MYO1F: variants seen among roughly 807,000 people sequenced by gnomAD.
MYO1F encodes myosin IF.
A neutral mutation model predicts 146.6 loss-of-function variants in MYO1F; 60 were observed. That is an observed-to-expected ratio of 0.41 (90% CI 0.33 to 0.51). The LOEUF (loss-of-function observed/expected upper bound fraction) is 0.51, where lower values mean the gene tolerates loss of function less well. Ranked by LOEUF, MYO1F falls within the 20% of genes least tolerant of loss-of-function variation. The probability of loss-of-function intolerance (pLI) is 0.25; values close to 1 mark genes in which losing one functional copy is unlikely to be tolerated. For synonymous variants in MYO1F, 602 were observed against 602.1 expected (o/e 1.00, Z 0.00); for missense variants, 1,274 against 1,534.3 (o/e 0.83, Z 2.83).
rs1193536898 is a variant in MYO1F, at chr19:8,543,702, GTGGTGC to G, written c.1524+589_1524+594del. ...GGTGGTGGTGGTGGTGGTGGTGGTG[GTGGTGC>G]TGGTGGTGGTGGTGGTGCTGGTGGT... On this transcript the variant is annotated intron_variant, in intron 14 of 27. Transcript: ENST00000644032. Among the ~76,000 whole-genome samples, 10 of 17,920 alleles carry G rather than the reference GTGGTGC, an allele frequency of 5.6e-4. No homozygotes were observed. In the East Asian group the frequency reaches 6.0e-3, roughly 11 times the overall value. 11.8% of individuals were successfully genotyped at this position (17,920 alleles called of 152,430 possible).
At chr19:8,574,589 CTCTCTCTCTTTCTT>C (rs1217284869) in intron 1 of MYO1F, among the ~76,000 whole-genome samples, 38 of 84,564 alleles carry the variant, frequency 4.5e-4, no homozygotes, top group African/African-American at 1.8e-3. Flanking sequence ...CTCTCTCTCT[CTCTCTCTCTTTCTT>C]TCTTTCTTTC....
intron 1 of MYO1F, among the ~76,000 whole-genome samples, chr19:8,561,611 TTCTC>T (rs1036807754): frequency 6.7e-5 from 10 of 148,422 alleles, no homozygotes; most frequent in Non-Finnish European, 1.2e-4. Flanking sequence ...TCTTTTTTCT[TTCTC>T]TCTTTCTTTC....
chr19:8,576,876 G>A (rs1338967689), intron 1 of MYO1F: 7 of 255,566 alleles, frequency 2.7e-5, no homozygotes, highest in South Asian at 4.8e-5. Context: ...GCATCTAGAC[G>A]GATTTCCAAA....
chr19:8,543,717 GTGGTGGTGC>G (rs1568348595), intron 14 of MYO1F, among the ~76,000 whole-genome samples: 1 of 20,938 alleles, frequency 4.8e-5, no homozygotes, highest in Non-Finnish European at 1.0e-4. Flanking sequence ...GCTGGTGGTG[GTGGTGGTGC>G]TGGTGGTGCT....
rs538983044 is a variant in MYO1F, at chr19:8,559,623, C to T, written c.4-3827G>A. On this transcript the variant is annotated intron_variant, in intron 1 of 27. Transcript: ENST00000644032. ...GTGCCCCTCCCCAAGCCTGAGTGGT[C>T]GTGAGGATAGACCGAGGCTGAGGGG... Among the ~76,000 whole-genome samples, 214 of 151,992 alleles carry T rather than the reference C, an allele frequency of 1.4e-3. 1 individual carries two copies. The highest frequency in any genetic ancestry group is 6.8e-3 in the Middle Eastern group (2 of 292).
rs1876467946 is a variant in MYO1F, at chr19:8,553,202, G to A, written c.441C>T (p.Ser147=). ...VQHVKDIILQ[S]NPLLEAFGNA... is the part of the protein sequence containing the mutation. ...TGCCGAAGGCCTCGAGCAGCGGGTT[G>A]GACTGCAGGATGATATCTTTGACGT... Residue 147 remains serine (S), a synonymous_variant, in exon 6 of 28, where the codon TCC becomes TCT. Transcript: ENST00000644032. The A allele has an allele frequency of 6.2e-7, 1 of 1,614,184 alleles. No individual in the cohort carries two copies. The highest frequency in any genetic ancestry group is 8.5e-7 in the Non-Finnish European group (1 of 1,180,040).
chr19:8,567,434 T>A (rs887068466), intron 1 of MYO1F, among the ~76,000 whole-genome samples: 4 of 151,944 alleles, frequency 2.6e-5, no homozygotes, highest in African/African-American at 9.7e-5. Context: ...AGTGGCACGA[T>A]CTCAGCTCAC....
At chr19:8,539,809 A>T in intron 16 of MYO1F, 138 bp downstream of exon 16, 1 of 725,356 alleles carries the variant, frequency 1.4e-6, no homozygotes, top group Non-Finnish European at 2.3e-6. Flanking sequence ...TGAACAGATG[A>T]CGTCACAGTC....
At chr19:8,527,262 A>G in intron 22 of MYO1F, 76 bp downstream of exon 22, 1 of 1,594,092 alleles carries the variant, frequency 6.3e-7, no homozygotes, top group Non-Finnish European at 8.6e-7. Flanking sequence ...TCAGGGTAAC[A>G]GACGGGGTCA....
chr19:8,562,139 G>A (rs557149806), intron 1 of MYO1F, among the ~76,000 whole-genome samples: 11 of 150,626 alleles, frequency 7.3e-5, no homozygotes, highest in East Asian at 1.9e-4. Flanking sequence ...GGTTCACGCC[G>A]TTCTCCTGCC....
At chr19:8,541,672 G>A (rs114995767) in intron 15 of MYO1F, 8,408 of 542,366 alleles carry the variant, frequency 0.016, 131 homozygotes, top group African/African-American at 0.062. Context: ...CAAGAGATTT[G>A]TCCACTTCGG....
chr19:8,523,533 T>C (rs1972147551), intron 25 of MYO1F, among the ~76,000 whole-genome samples: 2 of 151,994 alleles, frequency 1.3e-5, no homozygotes, highest in Non-Finnish European at 2.9e-5. Flanking sequence ...ATTTTTAAAG[T>C]AGAGATGGGG....
intron 7 of MYO1F, 60 bp from the exon 8 acceptor site, chr19:8,551,934 T>C: frequency 6.2e-7 from 1 of 1,614,002 alleles, no homozygotes; most frequent in African/African-American, 1.3e-5. Context: ...CTGTGATCCC[T>C]CATCTGCCCT....
At chr19:8,545,528 C>T (rs1973307059) in intron 13 of MYO1F, 122 bp downstream of exon 13, 2 of 831,630 alleles carry the variant, frequency 2.4e-6, no homozygotes, top group South Asian at 2.7e-5. Flanking sequence ...CGCTGGAAGT[C>T]CTGAGTGTAG....
At position 8,554,885 on chromosome 19, in the gene MYO1F, T is replaced by A; in HGVS notation, c.142-142A>T. 2.3e-6 allele frequency: 2 copies of A among 851,610 alleles called. 1 individual carries two copies. The highest frequency in any genetic ancestry group is 3.9e-6 in the Non-Finnish European group (2 of 517,928). 52.8% of individuals were successfully genotyped at this position (851,610 alleles called of 1,614,324 possible). ...AGATAATGGATGCACCTCGAGTCTC[T>A]TGGAAAAAACAGGGCTGGCCGGGCG... On this transcript the variant is annotated intron_variant, in intron 2 of 27. Transcript: ENST00000644032.
At chr19:8,561,317 C>T (rs897076138) in intron 1 of MYO1F, among the ~76,000 whole-genome samples, 10 of 151,916 alleles carry the variant, frequency 6.6e-5, no homozygotes, top group African/African-American at 2.4e-4. Flanking sequence ...TTCAACCCCT[C>T]ACACTGCTCC....
At chr19:8,526,742 CG>C in intron 23 of MYO1F, 46 bp downstream of exon 23, 1 of 1,557,796 alleles carries the variant, frequency 6.4e-7, no homozygotes. Flanking sequence ...GAGGGTGCGC[CG>C]CGCCGAGACC....
intron 16 of MYO1F, among the ~76,000 whole-genome samples, chr19:8,539,010 G>A (rs1972844399): frequency 6.6e-6 from 1 of 152,152 alleles, no homozygotes; most frequent in African/African-American, 2.4e-5. Context: ...GATAGGCTGG[G>A]TACAGTGGCT....
rs375465378 is a variant in MYO1F at position 8,530,555 on chromosome 19, C to T, written c.2062G>A (p.Val688Met). 1.6e-4 allele frequency: 263 copies of T among 1,612,388 alleles called. 1 individual carries two copies. The highest frequency in any genetic ancestry group is 2.0e-4 in the Non-Finnish European group (231 of 1,180,008). Residue 688 changes from valine to methionine, a missense_variant, in exon 20 of 28, where the codon GTG becomes ATG. By Grantham distance (21) the Val-to-Met change is conservative. Coordinates refer to ENST00000644032, the MANE Select transcript of MYO1F (RefSeq NM_012335.4). The surrounding 1 kb of genome is among the most constrained non-coding windows in gnomAD (Gnocchi z 5.8). ...NPESLFLLEEVRERKFDGFAR... is the reference protein window; with the variant it reads ...NPESLFLLEEMRERKFDGFAR... Reference sequence around the variant, plus strand: ...AAGCCATCGAACTTTCGCTCTCGCACCTCCTCCAGGAGGAAAAGCTGGGCG... The same window carrying T: ...AAGCCATCGAACTTTCGCTCTCGCATCTCCTCCAGGAGGAAAAGCTGGGCG...
Sources: allele counts gnomAD v4.1 joint callset (sites outside exome capture counted in the v4.1 genomes callset), GRCh38; gene constraint gnomAD v4.1.1; non-coding constraint Gnocchi (gnomAD v3.1); transcripts MANE v1.5; gene names NCBI Gene and HGNC (gene_info 2026-07-23, HGNC 2026-07-21).